The following PCDHAC1 variants were observed in gnomAD, a reference collection of about 807,000 sequenced individuals.
PCDHAC1 encodes protocadherin alpha-C1.
Under a neutral mutation model 60.0 loss-of-function variants are expected in PCDHAC1, and 42 were observed. The ratio of observed to expected loss-of-function variants is 0.70; its 90% CI spans 0.55 to 0.90. The LOEUF (loss-of-function observed/expected upper bound fraction) is 0.90. PCDHAC1 is among the 40% of genes least tolerant of loss of function. The pLI is 0.00. For synonymous variants in PCDHAC1, 468 were observed against 499.3 expected (o/e 0.94, Z 0.84); for missense variants, 1,160 against 1,222.3 (o/e 0.95, Z 0.76).
Position 140,982,372 on chromosome 5 carries a change from C to G in PCDHAC1, c.2493-103C>G, listed in dbSNP as rs1479669249. 1.9e-6 allele frequency: 3 copies of G among 1,554,840 alleles called. No homozygotes were observed. In the East Asian group the frequency reaches 7.0e-5, roughly 36 times the overall value. ...TTCAAGCATGAGCAGAATGTGTTAG[C>G]TGCAGCCCTGGCTTCATAGTTGTAA... On this transcript the variant is annotated intron_variant, in intron 2 of 3. Coordinates refer to ENST00000253807, the MANE Select transcript of PCDHAC1 (RefSeq NM_018898.5).
chr5:140,960,665 G>A (rs1180311598), intron 1 of PCDHAC1, among the ~76,000 whole-genome samples: 2 of 152,066 alleles, frequency 1.3e-5, no homozygotes, highest in Non-Finnish European at 2.9e-5. Context: ...TGAATGCTTT[G>A]GCTAAAACCT....
At chr5:140,947,451 A>G (rs2094135983) in intron 1 of PCDHAC1, among the ~76,000 whole-genome samples, 1 of 151,658 alleles carries the variant, frequency 6.6e-6, no homozygotes, top group Non-Finnish European at 1.5e-5. Context: ...GAAATCCTCC[A>G]ACCTTGTTCT....
At chr5:140,941,852 T>G (rs1254913265) in intron 1 of PCDHAC1, among the ~76,000 whole-genome samples, 2 of 152,236 alleles carry the variant, frequency 1.3e-5, no homozygotes, top group Non-Finnish European at 2.9e-5. Context: ...TTACCTGATA[T>G]TCCCTATCAT....
At chr5:140,970,009 A>G (rs2096376687) in intron 1 of PCDHAC1, among the ~76,000 whole-genome samples, 2 of 152,174 alleles carry the variant, frequency 1.3e-5, no homozygotes, top group African/African-American at 4.8e-5. Flanking sequence ...GGAGTGGATG[A>G]TGGTGAGGCA....
intron 3 of PCDHAC1, among the ~76,000 whole-genome samples, chr5:140,985,279 A>G (rs1168353248): frequency 1.3e-5 from 2 of 152,150 alleles, no homozygotes; most frequent in Non-Finnish European, 2.9e-5. Context: ...CTTTTCTGCA[A>G]TCTATGATAT....
intron 3 of PCDHAC1, among the ~76,000 whole-genome samples, chr5:140,993,229 C>T (rs1396962894): frequency 6.6e-6 from 1 of 152,092 alleles, no homozygotes; most frequent in Non-Finnish European, 1.5e-5. Flanking sequence ...GGTATGTTCT[C>T]TCTGAATCTG....
rs782233621 is a variant in PCDHAC1, at chr5:140,927,480, C to T, written c.588C>T (p.Arg196=). 3 of 1,613,976 alleles carry T rather than the reference C, an allele frequency of 1.9e-6. No homozygotes were observed. The highest frequency in any genetic ancestry group is 1.3e-5 in the African/African-American group (1 of 74,944). The change falls in exon 1 of 4, where the codon CGC becomes CGT. Residue 196 remains arginine (R), a synonymous_variant. Transcript: ENST00000253807. ...VLEKALDREQ[R]ATHLLVLTAR... is the part of the protein sequence containing the mutation. Reference sequence around the variant, plus strand: ...AGAAAGCACTGGATCGCGAACAGCGCGCCACCCACCTGCTGGTGCTTACAG... The same window carrying T: ...AGAAAGCACTGGATCGCGAACAGCGTGCCACCCACCTGCTGGTGCTTACAG...
intron 3 of PCDHAC1, among the ~76,000 whole-genome samples, chr5:141,002,161 G>T (rs1554258540): frequency 6.6e-6 from 1 of 152,208 alleles, no homozygotes; most frequent in Non-Finnish European, 1.5e-5. Flanking sequence ...CAGAGTGGGC[G>T]GTAGGCAGGC....
chr5:140,981,459 A>C (rs1267670163), intron 2 of PCDHAC1, among the ~76,000 whole-genome samples: 1 of 152,176 alleles, frequency 6.6e-6, no homozygotes, highest in Non-Finnish European at 1.5e-5. Context: ...CTGTAGTCCC[A>C]GCTACTTGGG....
In PCDHAC1 at chr5:140,927,334, G is replaced by A. The variant is rs201745433; in HGVS notation, c.442G>A (p.Ala148Thr). The A allele has an allele frequency of 4.6e-5, 74 of 1,614,180 alleles. No individual in the cohort carries two copies. Among genetic ancestry groups the A allele is most frequent in the Non-Finnish European group, 5.9e-5 (70 of 1,180,032 alleles). ...TPGARFTLPN[A>T]QDDDEGSNGI... ...CGGAGCCCGCTTTACTCTCCCGAAT[G>A]CCCAAGATGACGACGAGGGAAGCAA... Residue 148 changes from alanine to threonine, a missense_variant, in exon 1 of 4, where the codon GCC becomes ACC. This residue lies in a region of PCDHAC1 where 1,113 missense variants were observed against 1,163.7 expected (regional missense o/e 0.96). Transcript: ENST00000253807.
chr5:140,946,997 C>A (rs2094069050), intron 1 of PCDHAC1, among the ~76,000 whole-genome samples: 1 of 151,382 alleles, frequency 6.6e-6, no homozygotes. Context: ...GTTCTAACTT[C>A]AAAGAAATGA....
intron 1 of PCDHAC1, among the ~76,000 whole-genome samples, chr5:140,942,396 A>G (rs1172739397): frequency 6.6e-6 from 1 of 151,922 alleles, no homozygotes; most frequent in Admixed American, 6.6e-5. Flanking sequence ...TGGGCGACAG[A>G]TGAGACTCTG....
intron 3 of PCDHAC1, among the ~76,000 whole-genome samples, chr5:141,004,166 A>C (rs2098156060): frequency 6.6e-6 from 1 of 152,278 alleles, no homozygotes; most frequent in Non-Finnish European, 1.5e-5. Context: ...AGGCAAAGCC[A>C]GCCAAGTGTC....
chr5:140,939,054 G>C (rs1304220594), intron 1 of PCDHAC1, among the ~76,000 whole-genome samples: 1 of 152,112 alleles, frequency 6.6e-6, no homozygotes, highest in East Asian at 1.9e-4. Flanking sequence ...GTCCATTTGG[G>C]CTGCTATATC....
chr5:140,948,281 T>C (rs1375756050), intron 1 of PCDHAC1, among the ~76,000 whole-genome samples: 1 of 151,620 alleles, frequency 6.6e-6, no homozygotes, highest in Non-Finnish European at 1.5e-5. Context: ...TATCTGTAAA[T>C]AATTTTGTAA....
At position 140,928,231 on chromosome 5, in the gene PCDHAC1, CA is replaced by C; in HGVS notation, c.1341del (p.Gln447HisfsTer18). 6.2e-7 allele frequency: 1 copy of C among 1,614,226 alleles called. No individual in the cohort carries two copies. The highest frequency in any genetic ancestry group is 8.5e-7 in the Non-Finnish European group (1 of 1,180,048). On this transcript the variant is annotated frameshift_variant, in exon 1 of 4. Coordinates refer to ENST00000253807, the MANE Select transcript of PCDHAC1 (RefSeq NM_018898.5). LOFTEE classifies it high-confidence loss of function. Reference sequence around the variant, plus strand: ...GAATGACAATACACCAAACTTTCCTCAACCCCAGCAGGAACTTTTCGTTGCT... The same window carrying C: ...GAATGACAATACACCAAACTTTCCTCACCCCAGCAGGAACTTTTCGTTGCT... ...DVNDNTPNFP[Q>X]PQQELFVAEN... is the part of the protein sequence containing the mutation.
At position 140,927,040 on chromosome 5, in the gene PCDHAC1, A is replaced by G; in HGVS notation, c.148A>G (p.Met50Val). 1 of 1,612,350 alleles carries G rather than the reference A, an allele frequency of 6.2e-7. No individual in the cohort carries two copies. Among genetic ancestry groups the G allele is most frequent in the Non-Finnish European group, 8.5e-7 (1 of 1,178,912 alleles). Residue 50 changes from methionine (M) to valine (V), a missense_variant, in exon 1 of 4, where the codon ATG (methionine) becomes GTG (valine). Transcript: ENST00000253807. ...SADLRLPAAA[M>V]SSRNFRFLSS... ...GGACTTGAGGCTGCCAGCGGCCGCT[A>G]TGTCCTCGCGGAACTTTCGCTTCCT...
rs140822878 is a variant in PCDHAC1 at position 140,941,951 on chromosome 5, A to C, written c.2433+12626A>C. Among the ~76,000 whole-genome samples the C allele has an allele frequency of 9.8e-5, 15 of 152,306 alleles. No individual in the cohort carries two copies. The East Asian group carries it at 2.7e-3, about 27-fold the overall frequency. On this transcript the variant is annotated intron_variant, in intron 1 of 3. Transcript: ENST00000253807. Reference sequence around the variant, plus strand: ...ATATTTGAATTACTTTTGTTTTGAAAACAATAGTATCTTTACTTTCCCTAA... The same window carrying C: ...ATATTTGAATTACTTTTGTTTTGAACACAATAGTATCTTTACTTTCCCTAA...
Position 140,928,701 on chromosome 5 carries a change from G to A in PCDHAC1, c.1809G>A (p.Ala603=), listed in dbSNP as rs782369096. ...GGCTTTCCTACCACATCTCCCGGGCGTCTGACTCTAGTCTCTTTAGAATTT... is the reference window on the plus strand; with the variant it reads ...GGCTTTCCTACCACATCTCCCGGGCATCTGACTCTAGTCTCTTTAGAATTT... The part of the protein sequence containing the change: ...NAWLSYHISR[A]SDSSLFRISA... The change falls in exon 1 of 4, where the codon GCG becomes GCA. Residue 603 remains alanine, a synonymous_variant. Coordinates refer to ENST00000253807, the MANE Select transcript of PCDHAC1 (RefSeq NM_018898.5). 3.3e-5 allele frequency: 53 copies of A among 1,614,014 alleles called. No homozygotes were observed. The highest frequency in any genetic ancestry group is 2.0e-4 in the Admixed American group (12 of 59,992).
Sources: gnomAD v4.1 joint callset for allele counts (sites outside exome capture counted in the v4.1 genomes callset) on GRCh38, gnomAD v4.1.1 for gene constraint, gnomAD v4.1.1 regional missense constraint, MANE v1.5 for transcripts, NCBI Gene and HGNC (gene_info 2026-07-23, HGNC 2026-07-21) for gene names.